Variants in DCDC2C observed in about 807,000 individuals in gnomAD.
DCDC2C encodes doublecortin domain-containing protein 2C.
In DCDC2C, 44 loss-of-function variants were observed where a neutral mutation model predicts 45.0. The ratio of observed to expected loss-of-function variants is 0.98; its 90% CI spans 0.77 to 1.26. The LOEUF is 1.26. Ranked by LOEUF, DCDC2C falls within the 50% of genes most tolerant of loss-of-function variation. The pLI, the probability that DCDC2C is intolerant of heterozygous loss-of-function variation, is 0.00. For synonymous variants in DCDC2C, 187 were observed against 178.8 expected, an observed-to-expected ratio of 1.05 and a Z score of -0.37; for missense variants, 447 against 468.9, an observed-to-expected ratio of 0.95 and a Z score of 0.43.
chr2:3,801,842 C>T (rs1297842799), intron 10 of DCDC2C, among the ~76,000 whole-genome samples: 1 of 152,236 alleles, frequency 6.6e-6, no homozygotes, highest in Non-Finnish European at 1.5e-5. Context: ...CCCTCTGCCT[C>T]CCTCAGGACT....
chr2:3,758,732 C>T (rs957136935), intron 6 of DCDC2C, among the ~76,000 whole-genome samples: 2 of 152,178 alleles, frequency 1.3e-5, no homozygotes, highest in African/African-American at 4.8e-5. Context: ...GCTGGTTTCA[C>T]CTTGGTTGCT....
chr2:3,741,018 A>G (rs1196284155), intron 3 of DCDC2C, among the ~76,000 whole-genome samples: 1 of 152,222 alleles, frequency 6.6e-6, no homozygotes, highest in Non-Finnish European at 1.5e-5. Flanking sequence ...ATTTTACATT[A>G]TTTTAATGTG....
chr2:3,739,646 T>G (rs1669141938), intron 3 of DCDC2C, among the ~76,000 whole-genome samples: 2 of 152,252 alleles, frequency 1.3e-5, no homozygotes. Context: ...ACCGTCTCCC[T>G]TCTGGCTCCG....
chr2:3,748,198 AC>A, intron 4 of DCDC2C, among the ~76,000 whole-genome samples: 1 of 152,048 alleles, frequency 6.6e-6, no homozygotes, highest in Non-Finnish European at 1.5e-5. Context: ...GAGTGTCACC[AC>A]CTGACTCCGG....
chr2:3,793,770 A>G (rs890493116), intron 10 of DCDC2C, among the ~76,000 whole-genome samples: 1 of 152,216 alleles, frequency 6.6e-6, no homozygotes. Context: ...AGACCAGGTC[A>G]CTGCGTCTAG....
chr2:3,766,100 C>T lies in DCDC2C; in HGVS notation c.727-1654C>T, dbSNP rs1034112118. Among the ~76,000 whole-genome samples the T allele has an allele frequency of 2.6e-5, 4 of 152,082 alleles. No homozygotes were observed. In the East Asian group the frequency reaches 5.8e-4, roughly 22 times the overall value. ...GTGACTTTCCACGTCAGGGTGGAGGCTCCGCGTTTGTATCTCATTGCAGTG... is the reference window on the plus strand; with the variant it reads ...GTGACTTTCCACGTCAGGGTGGAGGTTCCGCGTTTGTATCTCATTGCAGTG... On this transcript the variant is annotated intron_variant, in intron 6 of 10. Transcript: ENST00000399143.
chr2:3,821,534 A>T (rs1226427152), intron 10 of DCDC2C, among the ~76,000 whole-genome samples: 1 of 152,224 alleles, frequency 6.6e-6, no homozygotes, highest in East Asian at 1.9e-4. Flanking sequence ...GATGCCATTT[A>T]TTAGCTTGAG....
chr2:3,817,453 G>A (rs775455237), intron 10 of DCDC2C, among the ~76,000 whole-genome samples: 13 of 152,164 alleles, frequency 8.5e-5, no homozygotes, highest in Non-Finnish European at 1.2e-4. Flanking sequence ...AGTTTGGCTT[G>A]CTGACAGGTA....
intron 10 of DCDC2C, among the ~76,000 whole-genome samples, chr2:3,816,678 G>C (rs530719931): frequency 2.0e-5 from 3 of 152,322 alleles, no homozygotes; most frequent in Non-Finnish European, 4.4e-5. Context: ...AGTGTGCCCT[G>C]TCAGCAAAGA....
At chr2:3,714,461 G>T (rs1000582166) in intron 2 of DCDC2C, among the ~76,000 whole-genome samples, 3 of 151,072 alleles carry the variant, frequency 2.0e-5, no homozygotes, top group Non-Finnish European at 4.4e-5. Context: ...AGGCAGATTT[G>T]CTAGGAACAG....
intron 2 of DCDC2C, among the ~76,000 whole-genome samples, chr2:3,725,785 C>G (rs1320494998): frequency 6.6e-6 from 1 of 150,898 alleles, no homozygotes; most frequent in African/African-American, 2.5e-5. Flanking sequence ...CAGGTGGATC[C>G]CGGAGGGAGA....
At chr2:3,773,419 C>G (rs371705712) in intron 8 of DCDC2C, among the ~76,000 whole-genome samples, 1 of 152,158 alleles carries the variant, frequency 6.6e-6, no homozygotes, top group Admixed American at 6.5e-5. Context: ...TCTGTAGATG[C>G]GCGGGGGTGC....
At chr2:3,792,113 A>G (rs1274121338) in intron 10 of DCDC2C, among the ~76,000 whole-genome samples, 1 of 152,176 alleles carries the variant, frequency 6.6e-6, no homozygotes, top group African/African-American at 2.4e-5. Context: ...CAGTGATGGG[A>G]TTTTGCTGTG....
intron 3 of DCDC2C, among the ~76,000 whole-genome samples, chr2:3,736,441 C>A (rs975616860): frequency 6.6e-6 from 1 of 152,148 alleles, no homozygotes; most frequent in Non-Finnish European, 1.5e-5. Context: ...CAGTGAGAAG[C>A]GTGGTGGAGT....
intron 10 of DCDC2C, among the ~76,000 whole-genome samples, chr2:3,831,701 C>G (rs1671955791): frequency 6.6e-6 from 1 of 152,188 alleles, no homozygotes; most frequent in Non-Finnish European, 1.5e-5. Context: ...TAATTGAATT[C>G]AGCCATGTGT....
rs573562398 is a variant in DCDC2C at position 3,836,611 on chromosome 2, C to G, written c.1066-10543C>G. Reference sequence around the variant, plus strand: ...GGCGCGGTGGCTCACGCCTGTAATCCCAGCACTTTCGGAGGCCGAGGTGGG... The same window carrying G: ...GGCGCGGTGGCTCACGCCTGTAATCGCAGCACTTTCGGAGGCCGAGGTGGG... On this transcript the variant is annotated intron_variant, in intron 10 of 10. Coordinates refer to ENST00000399143, the MANE Select transcript of DCDC2C (RefSeq NM_001287444.2). Among the ~76,000 whole-genome samples the G allele has an allele frequency of 4.6e-5, 7 of 152,102 alleles. No individual in the cohort carries two copies. The East Asian group carries it at 1.4e-3, about 30-fold the overall frequency.
At chr2:3,778,552 G>A (rs12711974) in intron 8 of DCDC2C, among the ~76,000 whole-genome samples, 51,113 of 151,964 alleles carry the variant, frequency 0.34, 8,745 homozygotes, top group South Asian at 0.45. Flanking sequence ...AGCACCTGCT[G>A]ACCAGAGGTC....
At chr2:3,728,687 G>A (rs988211050) in intron 3 of DCDC2C, among the ~76,000 whole-genome samples, 31 of 152,150 alleles carry the variant, frequency 2.0e-4, no homozygotes, top group Non-Finnish European at 3.7e-4. Context: ...AAACCTGATC[G>A]TGTTCCTCGG....
chr2:3,709,369 G>C (rs1228401227), intron 2 of DCDC2C, among the ~76,000 whole-genome samples: 1 of 152,202 alleles, frequency 6.6e-6, no homozygotes, highest in Non-Finnish European at 1.5e-5. Context: ...CTAGTTAAGG[G>C]CTTCCCCTCC....
Sources: gnomAD v4.1 joint callset for allele counts (sites outside exome capture counted in the v4.1 genomes callset) on GRCh38, gnomAD v4.1.1 for gene constraint, MANE v1.5 for transcripts, NCBI Gene and HGNC (gene_info 2026-07-23, HGNC 2026-07-21) for gene names.